Variants in GPR176 observed in about 807,000 individuals in gnomAD.
GPR176 encodes the protein G protein-coupled receptor 176, also known as G-protein coupled receptor 176.
Under a neutral mutation model 35.4 loss-of-function variants are expected in GPR176, and 26 were observed. That is an observed-to-expected ratio of 0.74 (90% CI 0.54 to 1.02). GPR176 has a LOEUF of 1.02. Ranked by LOEUF, GPR176 falls within the 50% of genes least tolerant of loss-of-function variation. GPR176 has a pLI of 0.00. For synonymous variants in GPR176, 278 were observed against 271.3 expected (o/e 1.02, Z -0.24); for missense variants, 597 against 665.3 (o/e 0.90, Z 1.13).
chr15:39,844,769 G>A (rs369404344), intron 1 of GPR176, among the ~76,000 whole-genome samples: 41 of 151,992 alleles, frequency 2.7e-4, no homozygotes, highest in Admixed American at 3.3e-4. Flanking sequence ...AACACTGATC[G>A]TGAACCACTT....
Position 39,801,885 on chromosome 15 carries a change from G to A in GPR176, c.795C>T (p.His265=), listed in dbSNP as rs1424540073. The part of the protein sequence containing the change: ...PYASQREAEL[H]ATLLSMVMVF... ...CCATCACCATGGAGAGCAGGGTGGCGTGCAGCTCGGCCTCCCGCTGGGAGG... is the reference window on the plus strand; with the variant it reads ...CCATCACCATGGAGAGCAGGGTGGCATGCAGCTCGGCCTCCCGCTGGGAGG... Residue 265 remains histidine, a synonymous_variant, in exon 3 of 3, where the codon CAC becomes CAT. Transcript: ENST00000561100. 11 of 1,614,078 alleles carry A rather than the reference G, an allele frequency of 6.8e-6. No homozygotes were observed. Among genetic ancestry groups the A allele is most frequent in the South Asian group, 4.4e-5 (4 of 91,082 alleles).
chr15:39,858,975 G>A (rs1321045465), intron 1 of GPR176, among the ~76,000 whole-genome samples: 2 of 151,966 alleles, frequency 1.3e-5, no homozygotes, highest in Non-Finnish European at 2.9e-5. Flanking sequence ...TTGAATTCCT[G>A]ACCTCAGGTG....
At position 39,850,646 on chromosome 15, in the gene GPR176, T is replaced by C. The variant is rs147694580; in HGVS notation, c.173-43388A>G. 9.0e-3 allele frequency among the ~76,000 whole-genome samples: 1,365 copies of C among 152,216 alleles called. 9 individuals carry two copies. The highest frequency in any genetic ancestry group is 0.012 in the Non-Finnish European group (802 of 67,988). ...CTCCTTGTGGTGATGGAAACATCTGTGTCTTGACCTATCAATGTCAATATC... is the reference window on the plus strand; with the variant it reads ...CTCCTTGTGGTGATGGAAACATCTGCGTCTTGACCTATCAATGTCAATATC... On this transcript the variant is annotated intron_variant, in intron 1 of 2. Transcript: ENST00000561100.
chr15:39,843,062 G>T (rs1181808906), intron 1 of GPR176, among the ~76,000 whole-genome samples: 6 of 152,040 alleles, frequency 3.9e-5, no homozygotes, highest in East Asian at 1.9e-4. Context: ...AAAAAGTGGT[G>T]GGGGGAGCTT....
intron 1 of GPR176, among the ~76,000 whole-genome samples, chr15:39,808,813 T>C (rs139281516): frequency 2.0e-5 from 3 of 152,318 alleles, no homozygotes; most frequent in Non-Finnish European, 2.9e-5. Context: ...ATGTATGTCA[T>C]GTAAAGATAT....
chr15:39,906,740 G>C (rs1314906958), intron 1 of GPR176, among the ~76,000 whole-genome samples: 1 of 152,206 alleles, frequency 6.6e-6, no homozygotes, highest in Non-Finnish European at 1.5e-5. Context: ...TTTGAATCCT[G>C]GCTATGGATG....
At chr15:39,845,140 T>C (rs909924702) in intron 1 of GPR176, among the ~76,000 whole-genome samples, 1 of 152,036 alleles carries the variant, frequency 6.6e-6, no homozygotes, top group Non-Finnish European at 1.5e-5. Context: ...AGGCTATTCC[T>C]ACCTAGGCCA....
intron 1 of GPR176, among the ~76,000 whole-genome samples, chr15:39,819,718 G>T (rs1900144302): frequency 6.6e-6 from 1 of 152,100 alleles, no homozygotes; most frequent in Non-Finnish European, 1.5e-5. Context: ...TACTCCCTCT[G>T]TCCCAGTAAC....
chr15:39,903,727 G>A (rs1311798778), intron 1 of GPR176, among the ~76,000 whole-genome samples: 1 of 152,072 alleles, frequency 6.6e-6, no homozygotes, highest in African/African-American at 2.4e-5. Context: ...GAACAAAACT[G>A]CATCATGAAT....
chr15:39,911,460 T>A (rs1014905550), intron 1 of GPR176, among the ~76,000 whole-genome samples: 1 of 152,244 alleles, frequency 6.6e-6, no homozygotes, highest in Admixed American at 6.5e-5. Context: ...TTCTTCCGAA[T>A]GAAATGTGGC....
chr15:39,801,642 A>C lies in GPR176; in HGVS notation c.1038T>G (p.Asn346Lys), dbSNP rs546859448. The change falls in exon 3 of 3, where the codon AAT (asparagine) becomes AAG (lysine). Residue 346 changes from asparagine (N) to lysine (K), a missense_variant. Transcript: ENST00000561100. ...VQLHHRYSRR[N>K]VVSTGSGMAE... ...CCATGCCACTCCCTGTACTGACCAC[A>C]TTACGGCGACTGTACCGGTGGTGTA... is the stretch of plus-strand genomic sequence containing the variant. The C allele has an allele frequency of 6.2e-7, 1 of 1,614,108 alleles. No homozygotes were observed. The highest frequency in any genetic ancestry group is 1.3e-5 in the African/African-American group (1 of 75,054).
intron 1 of GPR176, among the ~76,000 whole-genome samples, chr15:39,810,798 A>G (rs1255910563): frequency 6.6e-6 from 1 of 152,268 alleles, no homozygotes; most frequent in African/African-American, 2.4e-5. Context: ...GACAAGGGTC[A>G]GAAAGCCTAC....
At chr15:39,856,707 C>T (rs2031245157) in intron 1 of GPR176, among the ~76,000 whole-genome samples, 1 of 152,228 alleles carries the variant, frequency 6.6e-6, no homozygotes, top group Admixed American at 6.5e-5. Flanking sequence ...CTCCAAGTCA[C>T]ATACTGCCTT....
intron 1 of GPR176, among the ~76,000 whole-genome samples, chr15:39,899,643 G>A (rs73399187): frequency 0.014 from 2,058 of 152,332 alleles, 22 homozygotes; most frequent in African/African-American, 0.022. Flanking sequence ...GCAAGAAGTA[G>A]TCACTAGGAG....
In GPR176 at chr15:39,801,259, C is replaced by T. The variant is rs1393538956; in HGVS notation, c.1421G>A (p.Arg474Gln). ...GGTGTTGCCCAAGGGGGGAAGCAGC[C>T]GCTTCTTGCTGTTTCGGGTCTCTGA... is the stretch of plus-strand genomic sequence containing the variant. ...WLSETRNSKKRLLPPLGNTPE... is the reference protein window; with the variant it reads ...WLSETRNSKKQLLPPLGNTPE... Residue 474 changes from arginine (R) to glutamine (Q), a missense_variant, in exon 3 of 3, where the codon CGG becomes CAG. By Grantham distance (43) the Arg-to-Gln change is conservative. Around this residue, in one of 3 missense-constraint regions of GPR176, gnomAD observed 251 missense variants for 255.4 expected, o/e 0.98. Transcript: ENST00000561100. The T allele has an allele frequency of 4.3e-6, 7 of 1,614,132 alleles. No homozygotes were observed. The highest frequency in any genetic ancestry group is 3.3e-5 in the Admixed American group (2 of 60,014).
intron 1 of GPR176, among the ~76,000 whole-genome samples, chr15:39,864,646 G>C (rs1188288085): frequency 6.6e-6 from 1 of 151,982 alleles, no homozygotes; most frequent in Non-Finnish European, 1.5e-5. Context: ...AAGAATTCAC[G>C]ACTAACACCT....
intron 1 of GPR176, among the ~76,000 whole-genome samples, chr15:39,861,616 A>G (rs78271729): frequency 0.013 from 1,965 of 152,208 alleles, 15 homozygotes; most frequent in African/African-American, 0.017. Flanking sequence ...CTGGCTTTGC[A>G]AGATAAATCT....
At chr15:39,916,669 GA>G (rs1168192118) in intron 1 of GPR176, among the ~76,000 whole-genome samples, 1 of 152,058 alleles carries the variant, frequency 6.6e-6, no homozygotes, top group Non-Finnish European at 1.5e-5. Flanking sequence ...AAAAAATAAA[GA>G]AAAACGAATT....
At chr15:39,852,697 C>G (rs1417855396) in intron 1 of GPR176, among the ~76,000 whole-genome samples, 1 of 152,118 alleles carries the variant, frequency 6.6e-6, no homozygotes, top group African/African-American at 2.4e-5. Context: ...ATTTTAAAAG[C>G]ATGTATGAAT....
Sources: gnomAD v4.1 joint callset for allele counts (sites outside exome capture counted in the v4.1 genomes callset) on GRCh38, gnomAD v4.1.1 for gene constraint, gnomAD v4.1.1 regional missense constraint, MANE v1.5 for transcripts, NCBI Gene and HGNC (gene_info 2026-07-23, HGNC 2026-07-21) for gene names.